The following TMC2 variants were observed in gnomAD, a reference collection of about 807,000 sequenced individuals.
TMC2 encodes the protein transmembrane channel like 2, also known as transmembrane channel-like protein 2.
TMC2 carries 102 observed loss-of-function variants against 105.9 expected under a neutral mutation model. That is an observed-to-expected ratio of 0.96 (90% confidence interval 0.82 to 1.14). The LOEUF (loss-of-function observed/expected upper bound fraction) is 1.14, where lower values mean the gene tolerates loss of function less well. Among genes scored for constraint, TMC2 ranks in the 50% most tolerant of loss-of-function variants. The probability of loss-of-function intolerance (pLI) is 0.00; values close to 1 mark genes in which losing one functional copy is unlikely to be tolerated. For missense variants in TMC2, 1,093 were observed against 1,134.3 expected, an observed-to-expected ratio of 0.96 and a Z score of 0.52; for synonymous variants, 402 against 422.8, an observed-to-expected ratio of 0.95 and a Z score of 0.60.
At chr20:2,591,087 T>A (rs1348849494) in intron 7 of TMC2, among the ~76,000 whole-genome samples, 1 of 151,880 alleles carries the variant, frequency 6.6e-6, no homozygotes, top group Admixed American at 6.6e-5. Flanking sequence ...CATTTCTGAT[T>A]TTTTTTACAA....
At chr20:2,546,121 T>A (rs1166075986) in intron 2 of TMC2, among the ~76,000 whole-genome samples, 2 of 152,150 alleles carry the variant, frequency 1.3e-5, no homozygotes, top group East Asian at 3.9e-4. Context: ...AGGGCCCTTC[T>A]AGGACATGAT....
chr20:2,549,920 C>G (rs867106441), intron 2 of TMC2, among the ~76,000 whole-genome samples: 2 of 151,998 alleles, frequency 1.3e-5, no homozygotes, highest in African/African-American at 2.4e-5. Flanking sequence ...CAGTGGCTCA[C>G]GCCTGTAATT....
At chr20:2,600,592 G>A (rs2146221034) in intron 10 of TMC2, among the ~76,000 whole-genome samples, 1 of 152,278 alleles carries the variant, frequency 6.6e-6, no homozygotes, top group Admixed American at 6.5e-5. Context: ...GGACGCTGAG[G>A]CGGGCAGATC....
intron 7 of TMC2, among the ~76,000 whole-genome samples, chr20:2,584,516 A>G (rs1212437877): frequency 6.6e-6 from 1 of 151,986 alleles, no homozygotes; most frequent in Non-Finnish European, 1.5e-5. Context: ...AAAATGAAAT[A>G]TTACACACAC....
At position 2,579,247 on chromosome 20, in the gene TMC2, T is replaced by C. The variant is rs1323941391; in HGVS notation, c.727+20T>C. The C allele has an allele frequency of 2.7e-6, 4 of 1,486,006 alleles. No homozygotes were observed. 92.1% of individuals were successfully genotyped at this position (1,486,006 alleles called of 1,614,324 possible). On this transcript the variant is annotated intron_variant, in intron 6 of 19. Transcript: ENST00000358864. ...TTGAAAGTGAGTATGCTGGTGTCAC[T>C]GTTTTTTTAATTGGTTTCCTAAAGC...
Position 2,558,840 on chromosome 20 carries a change from T to G in TMC2, c.401+66T>G. 2.1e-6 allele frequency: 3 copies of G among 1,441,098 alleles called. No individual in the cohort carries two copies. Among genetic ancestry groups the G allele is most frequent in the Non-Finnish European group, 2.8e-6 (3 of 1,085,328 alleles). 89.3% of individuals were successfully genotyped at this position (1,441,098 alleles called of 1,614,324 possible). On this transcript the variant is annotated intron_variant, in intron 3 of 19. Coordinates refer to ENST00000358864, the MANE Select transcript of TMC2 (RefSeq NM_080751.3). This position sits in a 1 kb window ranked among gnomAD's most constrained non-coding sequence, Gnocchi z 4.6. ...TCCCGCTCCTTCGCGGCCCTTCCCC[T>G]TCCCCCGTGAGGGACTGATGCCCCC...
In TMC2 at chr20:2,537,739, A is replaced by T. The variant is rs373206396; in HGVS notation, c.82+423A>T. 2.6e-5 allele frequency among the ~76,000 whole-genome samples: 4 copies of T among 152,162 alleles called. No individual in the cohort carries two copies. In the East Asian group the frequency reaches 5.8e-4, roughly 22 times the overall value. On this transcript the variant is annotated intron_variant, in intron 2 of 19. Transcript: ENST00000358864. ...CCATCACCTTCCCACTGGGAATGTG[A>T]CCACAGCTCTCCCGTGAGCCGGTGA... is the stretch of plus-strand genomic sequence containing the variant.
intron 2 of TMC2, among the ~76,000 whole-genome samples, chr20:2,546,822 G>A (rs2085929206): frequency 6.6e-6 from 1 of 152,118 alleles, no homozygotes; most frequent in Admixed American, 6.6e-5. Context: ...ACTTATTACT[G>A]AAAACTTTCA....
rs145587686 is a variant in TMC2, at chr20:2,617,169, G to A, written c.2038G>A (p.Val680Ile). The change falls in exon 16 of 20, where the codon GTA (valine) becomes ATA (isoleucine). Residue 680 changes from valine (V) to isoleucine (I), a missense_variant. Physicochemically the swap from Val to Ile is conservative, Grantham distance 29. Transcript: ENST00000358864. ...FQCWAVMSSNVPHERVFKASR... is the reference protein window; with the variant it reads ...FQCWAVMSSNIPHERVFKASR... Reference sequence around the variant, plus strand: ...GTGCTGGGCGGTGATGAGCAGCAACGTACCCCATGAACGCGTGTTCAAAGC... The same window carrying A: ...GTGCTGGGCGGTGATGAGCAGCAACATACCCCATGAACGCGTGTTCAAAGC... 200 of 1,614,212 alleles carry A rather than the reference G, an allele frequency of 1.2e-4. No homozygotes were observed. The highest frequency in any genetic ancestry group is 4.7e-4 in the East Asian group (21 of 44,886).
intron 2 of TMC2, among the ~76,000 whole-genome samples, chr20:2,556,796 G>A (rs144595946): frequency 4.5e-4 from 68 of 151,428 alleles, no homozygotes; most frequent in East Asian, 3.5e-3. Context: ...AATTATCTCC[G>A]TTTTTGTTTG....
At chr20:2,557,637 T>C (rs2085993017) in intron 2 of TMC2, among the ~76,000 whole-genome samples, 1 of 152,210 alleles carries the variant, frequency 6.6e-6, no homozygotes, top group South Asian at 2.1e-4. Flanking sequence ...TTCAAGCGAT[T>C]CTCTTGCCTT....
At chr20:2,566,529 CCA>C (rs2086065672) in intron 4 of TMC2, among the ~76,000 whole-genome samples, 1 of 152,202 alleles carries the variant, frequency 6.6e-6, no homozygotes, top group Non-Finnish European at 1.5e-5. Context: ...TCAGCTTTGT[CCA>C]AAGCCTGATA....
At chr20:2,601,665 A>G (rs925533737) in intron 10 of TMC2, among the ~76,000 whole-genome samples, 1 of 151,746 alleles carries the variant, frequency 6.6e-6, no homozygotes, top group Non-Finnish European at 1.5e-5. Flanking sequence ...ACATGGAGAA[A>G]CCCCATCTCT....
intron 7 of TMC2, among the ~76,000 whole-genome samples, chr20:2,588,586 T>C (rs2086246537): frequency 6.6e-6 from 1 of 152,174 alleles, no homozygotes; most frequent in South Asian, 2.1e-4. Flanking sequence ...TTTTGTCACA[T>C]TGGGAAAATT....
intron 4 of TMC2, among the ~76,000 whole-genome samples, chr20:2,566,061 G>T (rs557159741): frequency 2.0e-5 from 3 of 152,136 alleles, no homozygotes; most frequent in Admixed American, 6.5e-5. Context: ...AAAACAAAAG[G>T]CTGGCTGGAC....
chr20:2,569,120 G>T (rs6114975), intron 4 of TMC2, among the ~76,000 whole-genome samples: 1 of 152,036 alleles, frequency 6.6e-6, no homozygotes, highest in Non-Finnish European at 1.5e-5. Context: ...TGTGGGACAG[G>T]AGGAGGAGCC....
intron 17 of TMC2, among the ~76,000 whole-genome samples, chr20:2,631,827 T>C (rs2086605722): frequency 6.6e-6 from 1 of 152,126 alleles, no homozygotes; most frequent in Non-Finnish European, 1.5e-5. Flanking sequence ...GGATGAAATC[T>C]GATTAAAAAT....
intron 11 of TMC2, among the ~76,000 whole-genome samples, chr20:2,606,623 G>A (rs2086393703): frequency 6.6e-6 from 1 of 152,088 alleles, no homozygotes; most frequent in Admixed American, 6.5e-5. Context: ...AAGATTTATT[G>A]AATTATAGGT....
rs371176104 is a variant in TMC2 at position 2,561,841 on chromosome 20, C to T, written c.402-17C>T. 3.8e-5 allele frequency: 61 copies of T among 1,609,450 alleles called. No individual in the cohort carries two copies. The African/African-American group carries it at 7.5e-4, about 20-fold the overall frequency. On this transcript the variant is annotated splice_polypyrimidine_tract_variant and intron_variant, in intron 3 of 19. Transcript: ENST00000358864. The stretch of plus-strand genomic sequence containing the variant: ...CTTTCCAACTTCCCTCTGCCTCCGC[C>T]CTGGCTCTGCCTCCAGGTCATCCTC...
Sources: gnomAD v4.1 joint callset for allele counts (sites outside exome capture counted in the v4.1 genomes callset) on GRCh38, gnomAD v4.1.1 for gene constraint, Gnocchi (gnomAD v3.1) non-coding constraint, MANE v1.5 for transcripts, NCBI Gene and HGNC (gene_info 2026-07-23, HGNC 2026-07-21) for gene names.